The following STARD9 variants were observed in gnomAD, a reference collection of about 807,000 sequenced individuals.
The protein encoded by STARD9 is stAR-related lipid transfer protein 9.
STARD9 carries 346 observed loss-of-function variants against 399.8 expected under a neutral mutation model. The observed-to-expected ratio is 0.87, with a 90% CI of 0.79 to 0.95. The LOEUF (loss-of-function observed/expected upper bound fraction) is 0.95, where lower values mean the gene tolerates loss of function less well. Among genes scored for constraint, STARD9 ranks in the 40% least tolerant of loss-of-function variants. The pLI is 0.00. For missense variants in STARD9, 5,832 were observed against 5,667.5 expected (o/e 1.03, Z -0.93); for synonymous variants, 2,203 against 2,143.5 (o/e 1.03, Z -0.77).
In STARD9 at chr15:42,716,126, G is replaced by C. The variant is rs532915914; in HGVS notation, c.13285-551G>C. On this transcript the variant is annotated intron_variant, in intron 26 of 32. Transcript: ENST00000290607. Reference sequence around the variant, plus strand: ...AGGTCAAGGGTCCTATTGTTGAGGAGCTTGCTGCGGTGGAGGTGTGGTGAC... The same window carrying C: ...AGGTCAAGGGTCCTATTGTTGAGGACCTTGCTGCGGTGGAGGTGTGGTGAC... Among the ~76,000 whole-genome samples the C allele has an allele frequency of 5.3e-5, 8 of 152,262 alleles. No individual in the cohort carries two copies. In the South Asian group the frequency reaches 1.7e-3, roughly 32 times the overall value.
At position 42,693,581 on chromosome 15, in the gene STARD9, G is replaced by A; in HGVS notation, c.12003G>A (p.Gln4001=). The change falls in exon 23 of 33, where the codon CAG becomes CAA. Residue 4001 remains glutamine, a synonymous_variant. Transcript: ENST00000290607. ...TTAGTTTCTTAGGGCAGCACCCTCA[G>A]CAGCTTCAGCCCAGGACAACTATCG... The part of the protein sequence containing the change: ...LQFSFLGQHP[Q]QLQPRTTIGV... The A allele has an allele frequency of 6.5e-7, 1 of 1,537,294 alleles. No homozygotes were observed. Among genetic ancestry groups the A allele is most frequent in the Non-Finnish European group, 8.7e-7 (1 of 1,146,910 alleles).
intron 26 of STARD9, among the ~76,000 whole-genome samples, chr15:42,696,492 A>G (rs946571563): frequency 6.6e-6 from 1 of 152,184 alleles, no homozygotes; most frequent in African/African-American, 2.4e-5. Flanking sequence ...GTGGACTATA[A>G]TGAGAGTTCT....
chr15:42,669,674 T>A (rs2060168725), intron 16 of STARD9: 1 of 207,210 alleles, frequency 4.8e-6, no homozygotes. Flanking sequence ...TAGTGAAGCA[T>A]AGGGGTATAG....
intron 3 of STARD9, among the ~76,000 whole-genome samples, chr15:42,595,435 G>T (rs1346572656): frequency 2.0e-5 from 3 of 152,118 alleles, no homozygotes; most frequent in Admixed American, 2.0e-4. Context: ...TTCCAGTGCT[G>T]CACATCTTCC....
rs2060700127 is a variant in STARD9 at position 42,691,503 on chromosome 15, A to G, written c.9925A>G (p.Thr3309Ala). The change falls in exon 23 of 33, where the codon ACT (threonine) becomes GCT (alanine). Residue 3309 changes from threonine to alanine, a missense_variant. Physicochemically the swap from Thr to Ala is moderately conservative, Grantham distance 58. This residue lies in a region of STARD9 where 5,828 missense variants were observed against 5,651.1 expected (regional missense o/e 1.03). Transcript: ENST00000290607. ...APNHRGSLPV[T>A]TIFSGPKHSR... ...CAACCACAGGGGCTCACTTCCTGTG[A>G]CTACAATCTTCTCTGGCCCCAAACA... 3 of 1,537,246 alleles carry G rather than the reference A, an allele frequency of 2.0e-6. No homozygotes were observed. The African/African-American group carries it at 4.1e-5, about 21-fold the overall frequency.
chr15:42,616,845 C>T (rs1357369891), intron 3 of STARD9, among the ~76,000 whole-genome samples: 17 of 147,638 alleles, frequency 1.2e-4, no homozygotes, highest in African/African-American at 3.8e-4. Flanking sequence ...GAGCTGAGAT[C>T]GCGTCACTGC....
Position 42,716,971 on chromosome 15 carries a change from C to G in STARD9, c.13417C>G (p.Leu4473Val). Reference sequence around the variant, plus strand: ...CAGTTGCTGCTGTTCACCATCCAGTCTGTCCAGCTTGGGGACCTGCTTTTC... The same window carrying G: ...CAGTTGCTGCTGTTCACCATCCAGTGTGTCCAGCTTGGGGACCTGCTTTTC... ...LGSCCCSPSS[L>V]SSLGTCFSSS... Residue 4473 changes from leucine (L) to valine (V), a missense_variant, in exon 28 of 33, where the codon CTG becomes GTG. Around this residue, in one of 2 missense-constraint regions of STARD9, gnomAD observed 5,828 missense variants for 5,651.1 expected, o/e 1.03. Coordinates refer to ENST00000290607, the MANE Select transcript of STARD9 (RefSeq NM_020759.3). 1 of 1,537,240 alleles carries G rather than the reference C, an allele frequency of 6.5e-7. No individual in the cohort carries two copies. Among genetic ancestry groups the G allele is most frequent in the Non-Finnish European group, 8.7e-7 (1 of 1,146,886 alleles).
chr15:42,666,731 G>A (rs2060109473), intron 15 of STARD9, among the ~76,000 whole-genome samples: 1 of 152,196 alleles, frequency 6.6e-6, no homozygotes, highest in Non-Finnish European at 1.5e-5. Flanking sequence ...AACCAGGAAA[G>A]AGACTGCTGT....
chr15:42,641,179 G>C (rs1037616837), intron 7 of STARD9, among the ~76,000 whole-genome samples: 1 of 152,144 alleles, frequency 6.6e-6, no homozygotes, highest in African/African-American at 2.4e-5. Context: ...TCAAATCTCA[G>C]GGTTCATGGT....
intron 7 of STARD9, among the ~76,000 whole-genome samples, chr15:42,643,568 G>A (rs1052702316): frequency 6.6e-6 from 1 of 152,058 alleles, no homozygotes; most frequent in African/African-American, 2.4e-5. Flanking sequence ...TTGGGTCACT[G>A]CAACCTCTGC....
intron 1 of STARD9, chr15:42,581,341 T>C: frequency 2.9e-6 from 4 of 1,373,528 alleles, no homozygotes; most frequent in Non-Finnish European, 4.1e-6. Flanking sequence ...ATGATTTGAG[T>C]TTCTCCTGGT....
chr15:42,592,208 A>G (rs1318152860), intron 3 of STARD9, among the ~76,000 whole-genome samples: 3 of 152,224 alleles, frequency 2.0e-5, no homozygotes, highest in Non-Finnish European at 2.9e-5. Flanking sequence ...GTTACACAGT[A>G]AGATGTGAGT....
In STARD9 at chr15:42,693,281, CCTCA is replaced by C. The variant is rs1234700980; in HGVS notation, c.11707_11710del (p.Thr3903LeufsTer15). On this transcript the variant is annotated frameshift_variant, in exon 23 of 33. Transcript: ENST00000290607. LOFTEE classifies it high-confidence loss of function. ...TCGTGGACAGGGCCTCCTCCCCAAT[CCTCA>C]CTCTTAGTGCCAGCACCCAAGAGCC... 7.2e-6 allele frequency: 11 copies of C among 1,537,000 alleles called. No homozygotes were observed. Among genetic ancestry groups the C allele is most frequent in the Admixed American group, 2.0e-5 (1 of 50,974 alleles).
intron 26 of STARD9, among the ~76,000 whole-genome samples, chr15:42,699,743 G>C (rs1372422343): frequency 6.7e-6 from 1 of 150,354 alleles, no homozygotes; most frequent in Admixed American, 6.6e-5. Context: ...ATCTCACTCT[G>C]TTGCCCAAGC....
At chr15:42,710,463 AC>A (rs1159446817) in intron 26 of STARD9, among the ~76,000 whole-genome samples, 1 of 151,394 alleles carries the variant, frequency 6.6e-6, no homozygotes, top group East Asian at 1.9e-4. Context: ...CATTTTCATT[AC>A]CCCCCTAGTT....
chr15:42,691,939 T>C lies in STARD9; in HGVS notation c.10361T>C (p.Met3454Thr), dbSNP rs887696492. 6.5e-7 allele frequency: 1 copy of C among 1,537,252 alleles called. No individual in the cohort carries two copies. The highest frequency in any genetic ancestry group is 8.7e-7 in the Non-Finnish European group (1 of 1,146,898). ...QVRPENWCSQ[M>T]DKGMLHFGSS... ...AGGCCAGAAAATTGGTGCTCTCAGA[T>C]GGACAAAGGAATGCTGCACTTTGGC... Residue 3454 changes from methionine (M) to threonine (T), a missense_variant, in exon 23 of 33, where the codon ATG becomes ACG. Met to Thr is a moderately conservative substitution (Grantham distance 81). Around this residue, in one of 2 missense-constraint regions of STARD9, gnomAD observed 5,828 missense variants for 5,651.1 expected, o/e 1.03. Coordinates refer to ENST00000290607, the MANE Select transcript of STARD9 (RefSeq NM_020759.3).
chr15:42,608,796 A>G (rs1023911108), intron 3 of STARD9, among the ~76,000 whole-genome samples: 3 of 152,232 alleles, frequency 2.0e-5, no homozygotes, highest in African/African-American at 7.2e-5. Context: ...TCTTGCCTGA[A>G]GATCAAATAT....
intron 25 of STARD9, 104 bp from the exon 26 acceptor site, chr15:42,695,639 A>G: frequency 2.3e-6 from 3 of 1,320,424 alleles, no homozygotes; most frequent in Non-Finnish European, 3.1e-6. Flanking sequence ...GTGAAGGAGC[A>G]GTAGAGGTGA....
chr15:42,675,753 A>G lies in STARD9; in HGVS notation c.1770+7A>G, dbSNP rs1177555325. 4 of 1,537,024 alleles carry G rather than the reference A, an allele frequency of 2.6e-6. No homozygotes were observed. Among genetic ancestry groups the G allele is most frequent in the Non-Finnish European group, 3.5e-6 (4 of 1,146,706 alleles). On this transcript the variant is annotated splice_region_variant and intron_variant, in intron 19 of 32. Coordinates refer to ENST00000290607, the MANE Select transcript of STARD9 (RefSeq NM_020759.3). The stretch of plus-strand genomic sequence containing the variant: ...CCTGCGGCAGCGAAGGCAGGTTAGC[A>G]GGGCTGTGTTTTCTAGGTTATTGCT...
Sources: allele counts gnomAD v4.1 joint callset (sites outside exome capture counted in the v4.1 genomes callset), GRCh38; gene constraint gnomAD v4.1.1; regional missense constraint gnomAD v4.1.1; transcripts MANE v1.5; gene names NCBI Gene and HGNC (gene_info 2026-07-23, HGNC 2026-07-21).